Variants in REDIC1 observed in about 807,000 individuals in gnomAD.
The protein encoded by REDIC1 is regulator of DNA class I crossover intermediates 1.
the REDIC1 span, among the ~76,000 whole-genome samples, chr12:39,817,637 C>T: frequency 6.6e-6 from 1 of 152,146 alleles, no homozygotes; most frequent in African/African-American, 2.4e-5. Flanking sequence ...TAGCTGTACA[C>T]AGTAGATCAT....
At chr12:39,889,529 C>CTTTTT in the REDIC1 span, among the ~76,000 whole-genome samples, 13 of 119,862 alleles carry the variant, frequency 1.1e-4, no homozygotes, top group Non-Finnish European at 2.1e-4. Flanking sequence ...GGTAAACAAC[C>CTTTTT]TTTTTTTTTT....
chr12:39,823,008 A>C, the REDIC1 span, among the ~76,000 whole-genome samples: 1 of 152,168 alleles, frequency 6.6e-6, no homozygotes, highest in African/African-American at 2.4e-5. Context: ...ATAGTCACTA[A>C]ATCCAAGGGA....
chr12:39,766,622 A>G, the REDIC1 span, among the ~76,000 whole-genome samples: 1 of 151,964 alleles, frequency 6.6e-6, no homozygotes, highest in African/African-American at 2.4e-5. Context: ...CATGCATTTT[A>G]CCCAGATAAC....
At chr12:39,855,677 T>A in the REDIC1 span, among the ~76,000 whole-genome samples, 1 of 152,222 alleles carries the variant, frequency 6.6e-6, no homozygotes, top group Non-Finnish European at 1.5e-5. Context: ...TGCATAAATG[T>A]TTTTTCTAAA....
the REDIC1 span, among the ~76,000 whole-genome samples, chr12:39,725,698 T>A: frequency 6.6e-6 from 1 of 151,796 alleles, no homozygotes; most frequent in Admixed American, 6.6e-5. Context: ...CATAGATATT[T>A]TAGGATGTTG....
chr12:39,839,517 G>A, the REDIC1 span, among the ~76,000 whole-genome samples: 32 of 152,036 alleles, frequency 2.1e-4, no homozygotes, highest in South Asian at 4.6e-3. Context: ...TGGGTAACTC[G>A]GAGCACTTTT....
the REDIC1 span, among the ~76,000 whole-genome samples, chr12:39,712,833 A>G: frequency 7.3e-6 from 1 of 136,586 alleles, no homozygotes; most frequent in African/African-American, 2.6e-5. Flanking sequence ...GTATGTATAT[A>G]CATATACACG....
chr12:39,656,493 ATAATGATAATAAATGACTTGT>A, the REDIC1 span, among the ~76,000 whole-genome samples: 1 of 152,228 alleles, frequency 6.6e-6, no homozygotes, highest in African/African-American at 2.4e-5. Context: ...ATAATAATTG[ATAATGATAATAAATGACTTGT>A]TAATGGTTTA....
the REDIC1 span, among the ~76,000 whole-genome samples, chr12:39,906,162 T>G: frequency 6.6e-6 from 1 of 152,276 alleles, no homozygotes; most frequent in South Asian, 2.1e-4. Flanking sequence ...TGAGTTCATC[T>G]TAGCACAGCT....
the REDIC1 span, among the ~76,000 whole-genome samples, chr12:39,694,515 C>T: frequency 5.3e-5 from 8 of 152,198 alleles, no homozygotes; most frequent in African/African-American, 1.7e-4. Context: ...TTGGACCAAA[C>T]TCAGCTGATG....
At chr12:39,703,940 G>T in the REDIC1 span, among the ~76,000 whole-genome samples, 1 of 152,122 alleles carries the variant, frequency 6.6e-6, no homozygotes, top group South Asian at 2.1e-4. Context: ...ATGGATTAAA[G>T]ACTTAAACGT....
the REDIC1 span, among the ~76,000 whole-genome samples, chr12:39,635,900 T>C: frequency 3.9e-5 from 6 of 152,158 alleles, no homozygotes; most frequent in Admixed American, 2.0e-4. Context: ...GGAATGTTTG[T>C]GTGGAAATCT....
At chr12:39,742,867 C>G in the REDIC1 span, among the ~76,000 whole-genome samples, 2 of 152,108 alleles carry the variant, frequency 1.3e-5, no homozygotes, top group Non-Finnish European at 2.9e-5. Context: ...GAGAGAATTA[C>G]TATTTACCAG....
chr12:39,795,502 T>C, the REDIC1 span, among the ~76,000 whole-genome samples: 1 of 152,230 alleles, frequency 6.6e-6, no homozygotes, highest in African/African-American at 2.4e-5. Flanking sequence ...GTCCAGCTGA[T>C]GACTGGGTGT....
the REDIC1 span, among the ~76,000 whole-genome samples, chr12:39,881,304 T>C: frequency 7.2e-5 from 11 of 152,124 alleles, no homozygotes; most frequent in African/African-American, 2.7e-4. Context: ...AATTCATAGA[T>C]GACAATATGA....
the REDIC1 span, among the ~76,000 whole-genome samples, chr12:39,712,235 T>C: frequency 0.013 from 1,882 of 142,456 alleles, 42 homozygotes; most frequent in African/African-American, 0.044. Flanking sequence ...TATATACCTA[T>C]ATGTATATGT....
At chr12:39,636,865 G>A in the REDIC1 span, among the ~76,000 whole-genome samples, 3 of 151,978 alleles carry the variant, frequency 2.0e-5, no homozygotes, top group African/African-American at 4.8e-5. Flanking sequence ...CATGTAAAAT[G>A]TACATGTTAG....
chr12:39,772,873 CA>C, the REDIC1 span, among the ~76,000 whole-genome samples: 1 of 8,192 alleles, frequency 1.2e-4, no homozygotes, highest in Admixed American at 1.5e-3. Context: ...AGTAGCTCCT[CA>C]TCATCCTCAT....
At chr12:39,889,462 G>A in the REDIC1 span, among the ~76,000 whole-genome samples, 1 of 151,470 alleles carries the variant, frequency 6.6e-6, no homozygotes, top group Non-Finnish European at 1.5e-5. Flanking sequence ...ATATTTGCAA[G>A]GTAGTCATAT....
Sources: allele counts gnomAD v4.1 joint callset (sites outside exome capture counted in the v4.1 genomes callset), GRCh38; gene constraint gnomAD v4.1.1; transcripts MANE v1.5; gene names NCBI Gene and HGNC (gene_info 2026-07-23, HGNC 2026-07-21).